The following FMN2 variants were observed in gnomAD, a reference collection of about 807,000 sequenced individuals.
FMN2 encodes formin-2.
FMN2 carries 51 observed loss-of-function variants against 142.3 expected under a neutral mutation model. That is an observed-to-expected ratio of 0.36 (90% CI 0.29 to 0.45). The LOEUF (loss-of-function observed/expected upper bound fraction) is 0.45, where lower values mean the gene tolerates loss of function less well. Ranked by LOEUF, FMN2 falls within the 20% of genes least tolerant of loss-of-function variation. FMN2 has a pLI of 1.00. For synonymous variants in FMN2, 882 were observed against 869.8 expected (o/e 1.01, Z -0.25); for missense variants, 1,936 against 2,122.8 (o/e 0.91, Z 1.73).
At chr1:240,362,899 C>T (rs954747563) in intron 14 of FMN2, among the ~76,000 whole-genome samples, 1 of 152,138 alleles carries the variant, frequency 6.6e-6, no homozygotes. Flanking sequence ...TACTTCTACC[C>T]GCCTCCCCGC....
At chr1:240,295,397 C>A (rs1390005185) in intron 8 of FMN2, among the ~76,000 whole-genome samples, 2 of 152,162 alleles carry the variant, frequency 1.3e-5, no homozygotes, top group East Asian at 3.9e-4. Flanking sequence ...AGAAGTTATT[C>A]ATCTTATAAC....
chr1:240,386,129 G>A (rs1356570287), intron 14 of FMN2, among the ~76,000 whole-genome samples: 2 of 152,144 alleles, frequency 1.3e-5, no homozygotes. Context: ...CATGCACTGT[G>A]ACATGTATGA....
At chr1:240,288,678 G>A (rs541717296) in intron 7 of FMN2, among the ~76,000 whole-genome samples, 1 of 152,132 alleles carries the variant, frequency 6.6e-6, no homozygotes, top group African/African-American at 2.4e-5. Context: ...GTGATGGGAT[G>A]TCACTTCCAA....
At chr1:240,111,816 G>A (rs1571936517) in intron 1 of FMN2, among the ~76,000 whole-genome samples, 1 of 151,972 alleles carries the variant, frequency 6.6e-6, no homozygotes, top group Admixed American at 6.6e-5. Context: ...CTCTGACATC[G>A]GGATTGAGAT....
At chr1:240,311,104 G>A (rs1437279589) in intron 8 of FMN2, among the ~76,000 whole-genome samples, 1 of 152,086 alleles carries the variant, frequency 6.6e-6, no homozygotes, top group Non-Finnish European at 1.5e-5. Context: ...AGCAGGTAAA[G>A]TAGAAAGAAT....
chr1:240,242,124 C>T (rs909707663), intron 6 of FMN2, among the ~76,000 whole-genome samples: 2 of 151,978 alleles, frequency 1.3e-5, no homozygotes, highest in Non-Finnish European at 2.9e-5. Context: ...GGATGACAGG[C>T]GTGAGCCACC....
At chr1:240,184,405 T>A (rs145798650) in intron 3 of FMN2, among the ~76,000 whole-genome samples, 1 of 151,770 alleles carries the variant, frequency 6.6e-6, no homozygotes, top group African/African-American at 2.4e-5. Context: ...CCGGCTCATT[T>A]TTGTATTTTT....
intron 6 of FMN2, among the ~76,000 whole-genome samples, chr1:240,231,866 C>A (rs945636843): frequency 2.0e-5 from 3 of 152,140 alleles, no homozygotes. Flanking sequence ...CTGAGTTTAT[C>A]CCTTTTAAAA....
intron 6 of FMN2, among the ~76,000 whole-genome samples, chr1:240,247,630 T>A (rs929092240): frequency 2.0e-5 from 3 of 152,034 alleles, no homozygotes; most frequent in African/African-American, 7.2e-5. Context: ...CATGCAGATA[T>A]CAGCATTTTT....
At chr1:240,474,044 G>C in intron 17 of FMN2, 84 bp from the exon 18 acceptor site, 1 of 1,186,540 alleles carries the variant, frequency 8.4e-7, no homozygotes, top group South Asian at 1.5e-5. Flanking sequence ...CAAATGAAAA[G>C]GTCTTTTTTA....
intron 14 of FMN2, among the ~76,000 whole-genome samples, chr1:240,367,040 T>C (rs909986941): frequency 2.0e-5 from 3 of 152,206 alleles, no homozygotes; most frequent in African/African-American, 7.2e-5. Context: ...TCATCTGCAC[T>C]TCTATCGGCA....
At chr1:240,270,555 G>T (rs1668966214) in intron 7 of FMN2, among the ~76,000 whole-genome samples, 1 of 151,892 alleles carries the variant, frequency 6.6e-6, no homozygotes, top group African/African-American at 2.4e-5. Context: ...AAAGCTAATT[G>T]TATTATTATT....
chr1:240,466,707 G>A (rs910212830), intron 16 of FMN2, among the ~76,000 whole-genome samples: 1 of 151,992 alleles, frequency 6.6e-6, no homozygotes, highest in Non-Finnish European at 1.5e-5. Flanking sequence ...TATCTTTATG[G>A]GAACCTGTTG....
chr1:240,251,855 T>C (rs1668287291), intron 6 of FMN2, among the ~76,000 whole-genome samples: 2 of 152,230 alleles, frequency 1.3e-5, no homozygotes, highest in Admixed American at 1.3e-4. Context: ...TTATTATTGA[T>C]ATGTAAGGGC....
chr1:240,284,354 G>A (rs986699184), intron 7 of FMN2, among the ~76,000 whole-genome samples: 2 of 152,092 alleles, frequency 1.3e-5, no homozygotes, highest in African/African-American at 4.8e-5. Context: ...GGGGAGGATT[G>A]AGTTAGAAAC....
intron 15 of FMN2, among the ~76,000 whole-genome samples, chr1:240,413,546 C>A (rs1312710529): frequency 1.3e-5 from 2 of 152,160 alleles, no homozygotes; most frequent in African/African-American, 2.4e-5. Context: ...TCCTGACTTA[C>A]ATTTACACTG....
rs905272587 is a variant in FMN2, at chr1:240,374,960, G to A, written c.4859-17551G>A. Among the ~76,000 whole-genome samples the A allele has an allele frequency of 2.6e-5, 4 of 152,186 alleles. No individual in the cohort carries two copies. In the Middle Eastern group the frequency reaches 0.014, roughly 518 times the overall value. Reference sequence around the variant, plus strand: ...TTAGAGGCCTGTACAGTTTTTAATTGTAGGGTTATTAACTGTATGGTTATT... The same window carrying A: ...TTAGAGGCCTGTACAGTTTTTAATTATAGGGTTATTAACTGTATGGTTATT... On this transcript the variant is annotated intron_variant, in intron 14 of 17. Transcript: ENST00000319653.
chr1:240,236,046 A>T (rs1024504752), intron 6 of FMN2, among the ~76,000 whole-genome samples: 1 of 152,096 alleles, frequency 6.6e-6, no homozygotes, highest in Non-Finnish European at 1.5e-5. Context: ...ATTACCTTGT[A>T]CCCGTTTGGA....
Position 240,334,157 on chromosome 1 carries a change from CT to C in FMN2, c.4698del (p.Gln1567ArgfsTer5). On this transcript the variant is annotated frameshift_variant, in exon 13 of 18. Coordinates refer to ENST00000319653, the MANE Select transcript of FMN2 (RefSeq NM_020066.5). LOFTEE classifies it high-confidence loss of function. ...CTTTCCACTGCCAGAACCCCAGGAC[CT>C]TTTTCAGGCCTCACAGATGAAGTTT... ...CLFPLPEPQD[L>X]FQASQMKFED... 3 of 1,609,194 alleles carry C rather than the reference CT, an allele frequency of 1.9e-6. No individual in the cohort carries two copies. The highest frequency in any genetic ancestry group is 1.3e-5 in the African/African-American group (1 of 74,748).
Sources: gnomAD v4.1 joint callset for allele counts (sites outside exome capture counted in the v4.1 genomes callset) on GRCh38, gnomAD v4.1.1 for gene constraint, MANE v1.5 for transcripts, NCBI Gene and HGNC (gene_info 2026-07-23, HGNC 2026-07-21) for gene names.